RGS13: variants seen among roughly 807,000 people sequenced by gnomAD.
RGS13 encodes the protein regulator of G protein signaling 13, also known as regulator of G-protein signalling 13.
RGS13 carries 14 observed loss-of-function variants against 19.9 expected under a neutral mutation model. That is an observed-to-expected ratio of 0.70 (90% confidence interval 0.46 to 1.10). RGS13 has a LOEUF of 1.10. Among genes scored for constraint, RGS13 ranks in the 50% least tolerant of loss-of-function variants. RGS13 has a pLI of 0.00. For synonymous variants in RGS13, 60 were observed against 56.8 expected, an observed-to-expected ratio of 1.06 and a Z score of -0.25; for missense variants, 205 against 187.1, an observed-to-expected ratio of 1.10 and a Z score of -0.56.
intron 2 of RGS13, among the ~76,000 whole-genome samples, 180 bp downstream of exon 2, chr1:192,637,840 C>T (rs1230575849): frequency 3.3e-5 from 5 of 151,964 alleles, no homozygotes; most frequent in African/African-American, 9.7e-5. Context: ...TAAAGATGCC[C>T]TTGGTTGGAT....
chr1:192,656,230 G>A (rs9287125), intron 5 of RGS13, among the ~76,000 whole-genome samples: 8,831 of 152,060 alleles, frequency 0.058, 318 homozygotes, highest in South Asian at 0.19. Flanking sequence ...CTCATTCCAT[G>A]AGCCATAGAT....
chr1:192,658,272 T>C lies in RGS13; in HGVS notation c.199T>C (p.Cys67Arg). 1 of 1,613,564 alleles carries C rather than the reference T, an allele frequency of 6.2e-7. No homozygotes were observed. Among genetic ancestry groups the C allele is most frequent in the Non-Finnish European group, 8.5e-7 (1 of 1,179,662 alleles). ...CGAGAATATTCAATTCTGGATGGCA[T>C]GTGAAACCTATAAGAAAATTGCCTC... The part of the protein sequence containing the change: ...SDENIQFWMA[C>R]ETYKKIASRW... Residue 67 changes from cysteine to arginine, a missense_variant, in exon 6 of 7, where the codon TGT becomes CGT. Cys to Arg is a radical substitution (Grantham distance 180). Transcript: ENST00000391995.
At chr1:192,652,935 G>A (rs190890378) in intron 5 of RGS13, among the ~76,000 whole-genome samples, 16 of 152,064 alleles carry the variant, frequency 1.1e-4, no homozygotes, top group African/African-American at 3.4e-4. Flanking sequence ...TTATCACTTG[G>A]GCAATGGGAA....
chr1:192,656,432 C>A (rs566030401), intron 5 of RGS13, among the ~76,000 whole-genome samples: 5 of 151,634 alleles, frequency 3.3e-5, no homozygotes, highest in Non-Finnish European at 5.9e-5. Flanking sequence ...AGTACCAATT[C>A]CTGCATCTGT....
intron 6 of RGS13, 37 bp from the exon 7 acceptor site, chr1:192,659,301 G>T (rs1405344282): frequency 1.3e-6 from 2 of 1,518,926 alleles, no homozygotes; most frequent in Admixed American, 3.9e-5. Flanking sequence ...TTTCAACTAT[G>T]CTAACTTAAT....
intron 3 of RGS13, among the ~76,000 whole-genome samples, chr1:192,643,071 G>A (rs1663154312): frequency 1.3e-5 from 2 of 151,964 alleles, no homozygotes. Context: ...GTGTTGCCCA[G>A]GCTAGTCTAG....
In RGS13 at chr1:192,658,287, A is replaced by G; in HGVS notation, c.214A>G (p.Lys72Glu). The G allele has an allele frequency of 6.2e-7, 1 of 1,613,630 alleles. No individual in the cohort carries two copies. The highest frequency in any genetic ancestry group is 1.7e-5 in the Admixed American group (1 of 59,938). Residue 72 changes from lysine (K) to glutamate (E), a missense_variant, in exon 6 of 7, where the codon AAA becomes GAA. By Grantham distance (56) the Lys-to-Glu change is moderately conservative. Transcript: ENST00000391995. ...QFWMACETYK[K>E]IASRWSRISR... is the part of the protein sequence containing the mutation. ...CTGGATGGCATGTGAAACCTATAAG[A>G]AAATTGCCTCACGGTGGAGCAGAAT...
chr1:192,644,674 T>A, intron 4 of RGS13: 1 of 269,192 alleles, frequency 3.7e-6, no homozygotes, highest in Non-Finnish European at 6.9e-6. Flanking sequence ...ATATTGTTTG[T>A]GTTAAAATGA....
intron 5 of RGS13, among the ~76,000 whole-genome samples, chr1:192,654,960 A>G (rs931808791): frequency 6.6e-6 from 1 of 152,048 alleles, no homozygotes; most frequent in Non-Finnish European, 1.5e-5. Context: ...CACTCTGTTC[A>G]AGCAGAATCG....
intron 6 of RGS13, 185 bp downstream of exon 6, chr1:192,658,552 C>A (rs1663489610): frequency 5.9e-6 from 3 of 507,172 alleles, no homozygotes; most frequent in African/African-American, 5.8e-5. Context: ...TCCAGTGTCA[C>A]ACAGCCATTA....
intron 3 of RGS13, among the ~76,000 whole-genome samples, chr1:192,643,450 A>G (rs1004216880): frequency 1.6e-5 from 2 of 125,916 alleles, no homozygotes; most frequent in Non-Finnish European, 3.8e-5. Flanking sequence ...TATGATATGT[A>G]TTGTTATGTA....
chr1:192,658,413 A>C (rs1663487679), intron 6 of RGS13, 46 bp downstream of exon 6: 1 of 1,548,200 alleles, frequency 6.5e-7, no homozygotes, highest in African/African-American at 1.4e-5. Flanking sequence ...TCATCCCTGC[A>C]AGGGCATTAA....
Position 192,659,771 on chromosome 1 carries a change from T to C in RGS13, c.*248T>C, listed in dbSNP as rs1558054670. ...AATATATAAGGAAAAGGAAGGTCTT[T>C]CTTCATGATACAAGCATTATAAAGT... On this transcript the variant is annotated 3_prime_UTR_variant, in exon 7 of 7. Transcript: ENST00000391995. 1 of 336,030 alleles carries C rather than the reference T, an allele frequency of 3.0e-6. No individual in the cohort carries two copies. Among genetic ancestry groups the C allele is most frequent in the Non-Finnish European group, 5.3e-6 (1 of 188,378 alleles). 20.8% of individuals were successfully genotyped at this position (336,030 alleles called of 1,614,324 possible). A position where few individuals can be genotyped will look rare whatever the true frequency, so the allele number is the denominator to read the frequency against.
chr1:192,644,278 A>G, intron 3 of RGS13, 53 bp from the exon 4 acceptor site: 1 of 1,298,308 alleles, frequency 7.7e-7, no homozygotes, highest in Non-Finnish European at 1.1e-6. Context: ...TGACTGTAAC[A>G]TACAATTATT....
intron 3 of RGS13, among the ~76,000 whole-genome samples, chr1:192,643,981 T>C (rs895180336): frequency 5.9e-5 from 9 of 151,592 alleles, no homozygotes; most frequent in African/African-American, 1.9e-4. Context: ...ATAAGAATTG[T>C]CCCAAAAGGG....
Position 192,658,339 on chromosome 1 carries a change from T to C in RGS13, c.266T>C (p.Ile89Thr), listed in dbSNP as rs1489512639. Residue 89 changes from isoleucine (I) to threonine (T), a missense_variant, in exon 6 of 7, where the codon ATT (isoleucine) becomes ACT (threonine). Transcript: ENST00000391995. Reference sequence around the variant, plus strand: ...TCTAGGGCAAAGAAGCTTTATAAGATTTACATCCAGCCACAGTCCCCTAGA... The same window carrying C: ...TCTAGGGCAAAGAAGCTTTATAAGACTTACATCCAGCCACAGTCCCCTAGA... Reference protein sequence around the residue: ...RISRAKKLYKIYIQPQSPREI... With the variant: ...RISRAKKLYKTYIQPQSPREI... 3 of 1,613,200 alleles carry C rather than the reference T, an allele frequency of 1.9e-6. No homozygotes were observed. The South Asian group carries it at 3.3e-5, about 18-fold the overall frequency.
intron 2 of RGS13, among the ~76,000 whole-genome samples, 160 bp downstream of exon 2, chr1:192,637,820 A>G (rs1478989722): frequency 6.6e-6 from 1 of 152,048 alleles, no homozygotes; most frequent in East Asian, 1.9e-4. Flanking sequence ...TCTAATTTTA[A>G]GGGTACAACT....
intron 5 of RGS13, among the ~76,000 whole-genome samples, chr1:192,649,075 C>T (rs762956657): frequency 6.6e-5 from 10 of 152,084 alleles, no homozygotes; most frequent in African/African-American, 9.7e-5. Context: ...CTGGATCTAC[C>T]TCTACAGGCT....
At chr1:192,650,809 T>C (rs1663322569) in intron 5 of RGS13, among the ~76,000 whole-genome samples, 1 of 151,036 alleles carries the variant, frequency 6.6e-6, no homozygotes, top group Non-Finnish European at 1.5e-5. Flanking sequence ...TTGCAAATAA[T>C]TTTTTACATA....
Sources: allele counts gnomAD v4.1 joint callset (sites outside exome capture counted in the v4.1 genomes callset), GRCh38; gene constraint gnomAD v4.1.1; transcripts MANE v1.5; gene names NCBI Gene and HGNC (gene_info 2026-07-23, HGNC 2026-07-21).